Variants in RBM34 observed in about 807,000 individuals in gnomAD.
RBM34 encodes RNA-binding protein 34.
A neutral mutation model predicts 44.6 loss-of-function variants in RBM34; 39 were observed. The observed-to-expected ratio is 0.87, with a 90% CI of 0.68 to 1.14. The LOEUF is 1.14. Ranked by LOEUF, RBM34 falls within the 50% of genes most tolerant of loss-of-function variation. The pLI, the probability that RBM34 is intolerant of heterozygous loss-of-function variation, is 0.00. For missense variants in RBM34, 572 were observed against 517.9 expected (o/e 1.10, Z -1.01); for synonymous variants, 194 against 184.0 (o/e 1.05, Z -0.44).
At chr1:235,146,698 G>A (rs1157036342) in intron 6 of RBM34, among the ~76,000 whole-genome samples, 1 of 152,144 alleles carries the variant, frequency 6.6e-6, no homozygotes, top group Non-Finnish European at 1.5e-5. Context: ...TGGGCTCACT[G>A]CAACCTTCAT....
At chr1:235,139,732 C>G (rs1661595447) in intron 6 of RBM34, among the ~76,000 whole-genome samples, 1 of 152,230 alleles carries the variant, frequency 6.6e-6, no homozygotes, top group South Asian at 2.1e-4. Flanking sequence ...GCAGCCATCA[C>G]AGAGCTGAAG....
chr1:235,136,395 G>C (rs1267673566), intron 8 of RBM34, among the ~76,000 whole-genome samples: 2 of 152,174 alleles, frequency 1.3e-5, no homozygotes, highest in Non-Finnish European at 2.9e-5. Context: ...AGGCCATGTG[G>C]AATCTGCTGC....
chr1:235,154,426 C>G (rs4660042), intron 4 of RBM34, among the ~76,000 whole-genome samples: 1 of 148,944 alleles, frequency 6.7e-6, no homozygotes. Context: ...TAGCCAGGCA[C>G]GGTGGCGTGC....
rs1377237222 is a variant in RBM34, at chr1:235,138,076, A to G, written c.785+15T>C. ...TAGGACAATTATTCTGTTCAAACCT[A>G]AGGGATAAAATTACCTTTTCAATGC... is the stretch of plus-strand genomic sequence containing the variant. On this transcript the variant is annotated intron_variant, in intron 7 of 10. Transcript: ENST00000408888. 10 of 1,592,032 alleles carry G rather than the reference A, an allele frequency of 6.3e-6. No individual in the cohort carries two copies. The highest frequency in any genetic ancestry group is 8.6e-6 in the Non-Finnish European group (10 of 1,164,466).
chr1:235,157,891 G>C (rs1282933104), intron 3 of RBM34, among the ~76,000 whole-genome samples: 1 of 152,124 alleles, frequency 6.6e-6, no homozygotes, highest in African/African-American at 2.4e-5. Context: ...CAGTCAGGAC[G>C]GAGAATAAAA....
At chr1:235,145,983 T>G (rs1661887923) in intron 6 of RBM34, among the ~76,000 whole-genome samples, 1 of 148,194 alleles carries the variant, frequency 6.7e-6, no homozygotes, top group Non-Finnish European at 1.5e-5. Context: ...TTTTTTTTTT[T>G]TTTTTTTTGG....
intron 6 of RBM34, 74 bp downstream of exon 6, chr1:235,148,330 A>G (rs1661997545): frequency 8.7e-7 from 1 of 1,146,360 alleles, no homozygotes; most frequent in Non-Finnish European, 1.3e-6. Flanking sequence ...TGCAATTGTT[A>G]AGAAATGGTC....
intron 3 of RBM34, among the ~76,000 whole-genome samples, chr1:235,155,834 T>TATATATATATATATAC (rs1662395921): frequency 2.9e-4 from 6 of 21,030 alleles, no homozygotes; most frequent in Non-Finnish European, 4.7e-4. Context: ...TATATATATA[T>TATATATATATATATAC]ATATATATAT....
At chr1:235,143,092 T>C (rs1381439176) in intron 6 of RBM34, among the ~76,000 whole-genome samples, 1 of 152,088 alleles carries the variant, frequency 6.6e-6, no homozygotes, top group Non-Finnish European at 1.5e-5. Context: ...TGGGCAAAAT[T>C]TTTGTACCAA....
intron 3 of RBM34, chr1:235,160,262 A>G: frequency 3.2e-6 from 2 of 624,042 alleles, no homozygotes; most frequent in Non-Finnish European, 5.9e-6. Flanking sequence ...AAAACAAACA[A>G]AAACAAATAA....
intron 10 of RBM34, among the ~76,000 whole-genome samples, chr1:235,134,594 A>G (rs1275284513): frequency 3.3e-5 from 5 of 152,250 alleles, no homozygotes; most frequent in African/African-American, 1.2e-4. Context: ...TCTATCATAC[A>G]GAAGGTAGAG....
chr1:235,159,673 C>G (rs191715740), intron 3 of RBM34, among the ~76,000 whole-genome samples: 352 of 151,658 alleles, frequency 2.3e-3, no homozygotes, highest in African/African-American at 8.3e-3. Flanking sequence ...AGTTCAAGAC[C>G]AACCTGGCCA....
intron 5 of RBM34, among the ~76,000 whole-genome samples, chr1:235,151,097 C>G (rs1662140734): frequency 6.6e-6 from 1 of 152,088 alleles, no homozygotes; most frequent in East Asian, 1.9e-4. Context: ...TGCGACTATT[C>G]TGACAGGAGG....
intron 5 of RBM34, chr1:235,152,442 A>G (rs764750691): frequency 1.3e-5 from 15 of 1,115,154 alleles, no homozygotes; most frequent in Non-Finnish European, 1.7e-5. Context: ...CTGACACAGT[A>G]AATAAGTCAC....
At chr1:235,152,926 T>C (rs1159029142) in intron 4 of RBM34, among the ~76,000 whole-genome samples, 161 bp from the exon 5 acceptor site, 1 of 149,348 alleles carries the variant, frequency 6.7e-6, no homozygotes, top group African/African-American at 2.5e-5. Flanking sequence ...TGGAGTGCAG[T>C]GGTGTGATCT....
chr1:235,133,118 G>C (rs1161865865), intron 10 of RBM34, among the ~76,000 whole-genome samples: 1 of 152,192 alleles, frequency 6.6e-6, no homozygotes, highest in Non-Finnish European at 1.5e-5. Flanking sequence ...AAGGCGGATA[G>C]ATCACTTGAG....
intron 6 of RBM34, among the ~76,000 whole-genome samples, chr1:235,141,563 T>C (rs1661683272): frequency 6.6e-6 from 1 of 152,152 alleles, no homozygotes; most frequent in South Asian, 2.1e-4. Flanking sequence ...TAGCCAGCAG[T>C]GGCAAGCCAC....
chr1:235,135,049 GT>G (rs796789432), intron 10 of RBM34, among the ~76,000 whole-genome samples: 83 of 122,140 alleles, frequency 6.8e-4, no homozygotes, highest in Non-Finnish European at 7.1e-4. Context: ...TGGCCGGTTT[GT>G]TTTTTTTTTT....
At position 235,154,895 on chromosome 1, in the gene RBM34, T is replaced by C. The variant is rs1662327384; in HGVS notation, c.583A>G (p.Thr195Ala). The change falls in exon 4 of 11, where the codon ACA (threonine) becomes GCA (alanine). Residue 195 changes from threonine to alanine, a missense_variant. By Grantham distance (58) the Thr-to-Ala change is moderately conservative. Transcript: ENST00000408888. ...RTVFVGNLPVTCNKKKLKSFF... is the reference protein window; with the variant it reads ...RTVFVGNLPVACNKKKLKSFF... ...TACAAACTCACCTTCTTATTACATG[T>C]AACAGGCAAATTCCCAACAAACACA... The C allele has an allele frequency of 1.9e-6, 3 of 1,613,386 alleles. No homozygotes were observed. Among genetic ancestry groups the C allele is most frequent in the Non-Finnish European group, 2.5e-6 (3 of 1,179,500 alleles).
Sources: gnomAD v4.1 joint callset for allele counts (sites outside exome capture counted in the v4.1 genomes callset) on GRCh38, gnomAD v4.1.1 for gene constraint, MANE v1.5 for transcripts, NCBI Gene and HGNC (gene_info 2026-07-23, HGNC 2026-07-21) for gene names.